Variants in NPAS3 observed in about 807,000 individuals in gnomAD.
NPAS3 encodes the protein neuronal PAS domain-containing protein 3.
A neutral mutation model predicts 73.1 loss-of-function variants in NPAS3; 14 were observed. That is an observed-to-expected ratio of 0.19 (90% CI 0.13 to 0.30). NPAS3 has a LOEUF of 0.30. Among genes scored for constraint, NPAS3 ranks in the 10% least tolerant of loss-of-function variants. The pLI is 1.00. For synonymous variants in NPAS3, 620 were observed against 541.5 expected, an observed-to-expected ratio of 1.14 and a Z score of -2.01; for missense variants, 1,096 against 1,250.0, an observed-to-expected ratio of 0.88 and a Z score of 1.86.
chr14:33,308,242 C>A (rs1188530222), intron 3 of NPAS3, among the ~76,000 whole-genome samples: 1 of 152,046 alleles, frequency 6.6e-6, no homozygotes, highest in African/African-American at 2.4e-5. Flanking sequence ...GAGAATGTGC[C>A]ATACCGTACA....
intron 4 of NPAS3, among the ~76,000 whole-genome samples, chr14:33,398,108 C>A (rs1587509): frequency 6.6e-6 from 1 of 152,058 alleles, no homozygotes; most frequent in Non-Finnish European, 1.5e-5. Context: ...AAATCAAGTT[C>A]TAGTGGCAGC....
In NPAS3 at chr14:33,456,418, G is replaced by A. The variant is rs796212757; in HGVS notation, c.468+89150G>A. On this transcript the variant is annotated intron_variant, in intron 4 of 11. Coordinates refer to ENST00000356141, the Ensembl canonical transcript of NPAS3. Reference sequence around the variant, plus strand: ...AAACTGTAGGAATAGCAACATGCATGAAATTTTAAAATGGGGCAGCTCTTT... The same window carrying A: ...AAACTGTAGGAATAGCAACATGCATAAAATTTTAAAATGGGGCAGCTCTTT... Among the ~76,000 whole-genome samples, 18 of 152,258 alleles carry A rather than the reference G, an allele frequency of 1.2e-4. 1 individual carries two copies. Among genetic ancestry groups the A allele is most frequent in the African/African-American group, 4.3e-4 (18 of 41,562 alleles).
intron 4 of NPAS3, among the ~76,000 whole-genome samples, chr14:33,406,342 A>C (rs2047665250): frequency 6.6e-6 from 1 of 152,078 alleles, no homozygotes. Flanking sequence ...AAAGGAGAGT[A>C]AACTAAGAAG....
chr14:33,639,217 C>A (rs1001995732), intron 5 of NPAS3, among the ~76,000 whole-genome samples: 4 of 152,050 alleles, frequency 2.6e-5, no homozygotes, highest in African/African-American at 9.7e-5. Flanking sequence ...AGTATAAGAG[C>A]AAAAGCCCAA....
chr14:33,167,374 C>G (rs1351981072), intron 2 of NPAS3, among the ~76,000 whole-genome samples: 1 of 152,122 alleles, frequency 6.6e-6, no homozygotes, highest in Admixed American at 6.6e-5. Context: ...AACCAGTGGG[C>G]TAGCAAAAAT....
At chr14:33,504,009 G>A (rs528367241) in intron 4 of NPAS3, among the ~76,000 whole-genome samples, 5 of 151,956 alleles carry the variant, frequency 3.3e-5, no homozygotes, top group Non-Finnish European at 7.4e-5. Context: ...TATTCCAAGT[G>A]TTGTAAAAAT....
chr14:33,623,888 A>G (rs2140105854), intron 5 of NPAS3, among the ~76,000 whole-genome samples: 1 of 152,316 alleles, frequency 6.6e-6, no homozygotes, highest in African/African-American at 2.4e-5. Flanking sequence ...CTCATGTTTC[A>G]CTTGTAAGAA....
At chr14:32,979,079 T>A (rs961696513) in intron 1 of NPAS3, among the ~76,000 whole-genome samples, 2 of 152,208 alleles carry the variant, frequency 1.3e-5, no homozygotes, top group East Asian at 3.9e-4. Context: ...GATAATAGTG[T>A]GAATCTCATA....
At chr14:33,199,072 C>T (rs780294266) in intron 2 of NPAS3, among the ~76,000 whole-genome samples, 100 of 152,254 alleles carry the variant, frequency 6.6e-4, no homozygotes, top group Non-Finnish European at 1.1e-3. Context: ...CTGGAACTTG[C>T]GCTGGCCTGC....
At chr14:33,518,836 C>A (rs1465304371) in intron 4 of NPAS3, among the ~76,000 whole-genome samples, 2 of 152,102 alleles carry the variant, frequency 1.3e-5, no homozygotes, top group Middle Eastern at 3.4e-3. Flanking sequence ...TGTCCATGCA[C>A]TCTACCACAG....
chr14:33,311,699 A>C (rs550632560), intron 3 of NPAS3, among the ~76,000 whole-genome samples: 1 of 152,296 alleles, frequency 6.6e-6, no homozygotes, highest in African/African-American at 2.4e-5. Flanking sequence ...AAATTTGGAC[A>C]TAATAAAAGT....
intron 5 of NPAS3, among the ~76,000 whole-genome samples, chr14:33,659,700 A>G (rs1044680811): frequency 2.0e-5 from 3 of 152,172 alleles, no homozygotes; most frequent in Admixed American, 6.5e-5. Flanking sequence ...ACTAGAAACC[A>G]TACCTTTAAT....
intron 4 of NPAS3, among the ~76,000 whole-genome samples, chr14:33,423,467 G>A (rs1020879004): frequency 6.6e-6 from 1 of 151,858 alleles, no homozygotes; most frequent in Non-Finnish European, 1.5e-5. Flanking sequence ...GGAAATGCAT[G>A]CTTTTATTCT....
chr14:33,490,036 G>A (rs763140167), intron 4 of NPAS3, among the ~76,000 whole-genome samples: 45 of 151,998 alleles, frequency 3.0e-4, no homozygotes, highest in Non-Finnish European at 5.4e-4. Context: ...TTGCTTTTTG[G>A]CTTTGCTCTA....
chr14:33,754,771 C>A (rs1242888856), intron 7 of NPAS3, among the ~76,000 whole-genome samples: 2 of 152,164 alleles, frequency 1.3e-5, no homozygotes, highest in Non-Finnish European at 2.9e-5. Flanking sequence ...ATCATAGAAT[C>A]GTAGAGCTGA....
chr14:33,800,287 T>C lies in NPAS3; in HGVS notation c.1980T>C (p.Asn660=), dbSNP rs1566558227. The stretch of plus-strand genomic sequence containing the variant: ...TCTCAGAACCCATCAATTTCGACAA[T>C]GACAGCAGCATCTGGAACTACCCGC... The change falls in exon 12 of 12, where the codon AAT becomes AAC. Residue 660 remains asparagine (N), a synonymous_variant. Transcript: ENST00000356141. This position sits in a 1 kb window ranked among gnomAD's most constrained non-coding sequence, Gnocchi z 6.5. The C allele has an allele frequency of 6.2e-7, 1 of 1,613,262 alleles. No individual in the cohort carries two copies. The highest frequency in any genetic ancestry group is 1.3e-5 in the African/African-American group (1 of 74,924).
chr14:33,337,454 C>T (rs2044280306), intron 3 of NPAS3, among the ~76,000 whole-genome samples: 1 of 152,068 alleles, frequency 6.6e-6, no homozygotes, highest in Non-Finnish European at 1.5e-5. Context: ...CATATGTAGA[C>T]ACATATGCCA....
chr14:33,599,686 T>C (rs1404192129), intron 5 of NPAS3, among the ~76,000 whole-genome samples: 1 of 152,198 alleles, frequency 6.6e-6, no homozygotes, highest in Non-Finnish European at 1.5e-5. Flanking sequence ...AAGCATTTAA[T>C]TCTGGAGAGA....
intron 4 of NPAS3, among the ~76,000 whole-genome samples, chr14:33,401,308 A>G (rs7146564): frequency 0.058 from 8,812 of 152,274 alleles, 369 homozygotes; most frequent in Non-Finnish European, 0.092. Context: ...TACCCTGGCC[A>G]GATCACGTTT....
Sources: allele counts gnomAD v4.1 joint callset (sites outside exome capture counted in the v4.1 genomes callset), GRCh38; gene constraint gnomAD v4.1.1; non-coding constraint Gnocchi (gnomAD v3.1); transcripts MANE v1.5; gene names NCBI Gene and HGNC (gene_info 2026-07-23, HGNC 2026-07-21).